NEBL: variants seen among roughly 807,000 people sequenced by gnomAD.
NEBL encodes LIM and SH3 protein 2.
A neutral mutation model predicts 140.2 loss-of-function variants in NEBL; 122 were observed. The observed-to-expected ratio is 0.87, with a 90% CI of 0.75 to 1.01. The LOEUF is 1.01. Among genes scored for constraint, NEBL ranks in the 50% least tolerant of loss-of-function variants. NEBL has a pLI of 0.00. For synonymous variants in NEBL, 436 were observed against 398.9 expected, an observed-to-expected ratio of 1.09 and a Z score of -1.11; for missense variants, 1,365 against 1,231.3, an observed-to-expected ratio of 1.11 and a Z score of -1.62.
upstream of NEBL, among the ~76,000 whole-genome samples, chr10:20,901,065 C>A (rs1447472898): frequency 6.6e-6 from 1 of 151,966 alleles, no homozygotes; most frequent in African/African-American, 2.4e-5. Flanking sequence ...GAGCCCCTCA[C>A]AAACACAAGC....
chr10:20,830,872 C>T lies in NEBL; in HGVS notation c.1671+324G>A, dbSNP rs560076151. ...CAAGCTATGATGGTGCCACTGCATT[C>T]CAGCCTGGGTGAAAGAGTGAGACCT... On this transcript the variant is annotated intron_variant, in intron 16 of 27. Coordinates refer to ENST00000377122, the MANE Select transcript of NEBL (RefSeq NM_006393.3). Among the ~76,000 whole-genome samples the T allele has an allele frequency of 1.1e-4, 16 of 143,648 alleles. No homozygotes were observed. The South Asian group carries it at 2.9e-3, about 26-fold the overall frequency. 94.2% of individuals were successfully genotyped at this position (143,648 alleles called of 152,430 possible). A position where few individuals can be genotyped will look rare whatever the true frequency, so the allele number is the denominator to read the frequency against.
chr10:21,068,098 G>A (rs533952129), intron 2 of NEBL, among the ~76,000 whole-genome samples: 1 of 152,286 alleles, frequency 6.6e-6, no homozygotes, highest in East Asian at 1.9e-4. Context: ...TCTCTACTAG[G>A]TGGGAAAAAA....
At chr10:21,215,550 A>C (rs1372082602) in intron 3 of NEBL, among the ~76,000 whole-genome samples, 1 of 152,258 alleles carries the variant, frequency 6.6e-6, no homozygotes, top group Admixed American at 6.5e-5. Context: ...TTTTAAAACT[A>C]ACAAATACTG....
In NEBL at chr10:20,945,377, G is replaced by C. The variant is rs893639036; in HGVS notation, c.357+16295C>G. Among the ~76,000 whole-genome samples the C allele has an allele frequency of 2.6e-5, 4 of 152,180 alleles. No individual in the cohort carries two copies. The East Asian group carries it at 7.7e-4, about 29-fold the overall frequency. On this transcript the variant is annotated intron_variant, in intron 4 of 6. Transcript: ENST00000417816. The stretch of plus-strand genomic sequence containing the variant: ...TGTTCTGCATTGACGGCTGTGCTTA[G>C]ATCTTGTACCCTCAGCTCCTAAGAT...
intron 1 of NEBL, among the ~76,000 whole-genome samples, chr10:21,269,374 G>A (rs145057490): frequency 2.6e-5 from 4 of 152,310 alleles, no homozygotes; most frequent in South Asian, 2.1e-4. Context: ...AGGCAGATTC[G>A]TAGAGATGGG....
At chr10:20,826,919 A>G (rs1179287015) in intron 17 of NEBL, among the ~76,000 whole-genome samples, 2 of 152,248 alleles carry the variant, frequency 1.3e-5, no homozygotes, top group African/African-American at 4.8e-5. Flanking sequence ...ACTGAATTCA[A>G]AAAGAAAATG....
intron 1 of NEBL, among the ~76,000 whole-genome samples, chr10:21,252,398 TGATA>T (rs1422256124): frequency 5.3e-5 from 8 of 152,286 alleles, no homozygotes; most frequent in South Asian, 4.1e-4. Context: ...ATTGATTGAT[TGATA>T]GATAGATAGA....
At chr10:20,940,814 G>A (rs894754986) in intron 4 of NEBL, among the ~76,000 whole-genome samples, 1,892 of 152,130 alleles carry the variant, frequency 0.012, 37 homozygotes, top group African/African-American at 0.041. Context: ...ACACCTCTAC[G>A]CAAATAAACT....
intron 2 of NEBL, among the ~76,000 whole-genome samples, chr10:21,148,412 G>T (rs1021859614): frequency 6.6e-6 from 1 of 152,206 alleles, no homozygotes; most frequent in East Asian, 1.9e-4. Flanking sequence ...AGTGATGAAG[G>T]TGAAAGACAG....
At chr10:21,179,917 C>T (rs144586233), upstream of NEBL, among the ~76,000 whole-genome samples, 52 of 152,188 alleles carry the variant, frequency 3.4e-4, no homozygotes, top group East Asian at 9.7e-3. Context: ...GCAGGCAGAT[C>T]ACTTAAGGTC....
At chr10:20,997,309 A>C (rs1268535277) in intron 3 of NEBL, among the ~76,000 whole-genome samples, 1 of 151,960 alleles carries the variant, frequency 6.6e-6, no homozygotes, top group Non-Finnish European at 1.5e-5. Flanking sequence ...AGTCCCTGTT[A>C]CTCAGGTCTG....
At chr10:21,052,039 C>T (rs1834801104) in intron 2 of NEBL, among the ~76,000 whole-genome samples, 1 of 151,788 alleles carries the variant, frequency 6.6e-6, no homozygotes, top group Non-Finnish European at 1.5e-5. Context: ...GAGATATTCA[C>T]ATGGTTCAAA....
chr10:20,962,271 A>G (rs1164380426), intron 3 of NEBL, among the ~76,000 whole-genome samples: 2 of 152,212 alleles, frequency 1.3e-5, no homozygotes, highest in Admixed American at 6.5e-5. Context: ...TGCCCTATGG[A>G]GGAGGGAGAT....
At chr10:20,846,390 T>C (rs1841947573) in intron 11 of NEBL, among the ~76,000 whole-genome samples, 1 of 152,144 alleles carries the variant, frequency 6.6e-6, no homozygotes, top group South Asian at 2.1e-4. Flanking sequence ...ATTTTATAAA[T>C]AAAGAATGTC....
intron 1 of NEBL, among the ~76,000 whole-genome samples, chr10:21,275,042 T>C (rs533386939): frequency 1.3e-5 from 2 of 152,102 alleles, no homozygotes; most frequent in Non-Finnish European, 2.9e-5. Context: ...GCCTGTGTTG[T>C]TCAAGGGCTA....
chr10:21,174,130 C>G (rs1213283060), exon 1 of NEBL: 1 of 682,490 alleles, frequency 1.5e-6, no homozygotes, highest in Non-Finnish European at 1.8e-6. Flanking sequence ...CACACAGTCA[C>G]TCGCGCCCGC....
chr10:20,823,072 T>A, intron 19 of NEBL, 136 bp downstream of exon 19: 1 of 638,894 alleles, frequency 1.6e-6, no homozygotes, highest in Non-Finnish European at 2.7e-6. Flanking sequence ...TGTAAAATGC[T>A]AGCTCCACTT....
chr10:20,899,115 G>A (rs187584001), upstream of NEBL, among the ~76,000 whole-genome samples: 8 of 152,288 alleles, frequency 5.3e-5, no homozygotes, highest in East Asian at 1.9e-4. Context: ...TATTTGTTCC[G>A]TAAAAGGAAA....
chr10:21,282,670 G>A (rs1843007283), intron 1 of NEBL, among the ~76,000 whole-genome samples: 1 of 152,146 alleles, frequency 6.6e-6, no homozygotes, highest in African/African-American at 2.4e-5. Context: ...ATTGTCAGAG[G>A]CGTGTGAACC....
Sources: gnomAD v4.1 joint callset for allele counts (sites outside exome capture counted in the v4.1 genomes callset) on GRCh38, gnomAD v4.1.1 for gene constraint, MANE v1.5 for transcripts, NCBI Gene and HGNC (gene_info 2026-07-23, HGNC 2026-07-21) for gene names.